Variants in FSTL5 observed in about 807,000 individuals in gnomAD.
The protein encoded by FSTL5 is follistatin like 5.
In FSTL5, 62 loss-of-function variants were observed where a neutral mutation model predicts 89.1. That is an observed-to-expected ratio of 0.70 (90% CI 0.57 to 0.86). The LOEUF (loss-of-function observed/expected upper bound fraction) is 0.86. Among genes scored for constraint, FSTL5 ranks in the 40% least tolerant of loss-of-function variants. The pLI is 0.00. For synonymous variants in FSTL5, 383 were observed against 346.2 expected, an observed-to-expected ratio of 1.11 and a Z score of -1.18; for missense variants, 1,057 against 1,001.6, an observed-to-expected ratio of 1.06 and a Z score of -0.75.
At chr4:161,586,987 C>A (rs1733637553) in intron 8 of FSTL5, among the ~76,000 whole-genome samples, 1 of 152,108 alleles carries the variant, frequency 6.6e-6, no homozygotes, top group Non-Finnish European at 1.5e-5. Context: ...TAAAGAAAAG[C>A]TCTGATTGTA....
intron 6 of FSTL5, among the ~76,000 whole-genome samples, chr4:161,678,017 G>T (rs1431481036): frequency 6.6e-6 from 1 of 151,542 alleles, no homozygotes. Context: ...CCCCTCAAAA[G>T]AAGACTGCAA....
At chr4:161,767,590 A>G (rs1023199200) in intron 5 of FSTL5, among the ~76,000 whole-genome samples, 1 of 152,172 alleles carries the variant, frequency 6.6e-6, no homozygotes, top group Non-Finnish European at 1.5e-5. Context: ...AAGGAATACA[A>G]AGATCTAGAT....
At chr4:161,791,891 G>T (rs1317872406) in intron 4 of FSTL5, among the ~76,000 whole-genome samples, 1 of 152,240 alleles carries the variant, frequency 6.6e-6, no homozygotes, top group Non-Finnish European at 1.5e-5. Context: ...GACATTTGCT[G>T]CAGTGGAGAA....
intron 5 of FSTL5, among the ~76,000 whole-genome samples, chr4:161,770,749 T>C (rs908217277): frequency 6.6e-6 from 1 of 151,888 alleles, no homozygotes; most frequent in South Asian, 2.1e-4. Flanking sequence ...TGTAATGTAA[T>C]ATTTATTAGC....
intron 6 of FSTL5, among the ~76,000 whole-genome samples, chr4:161,708,820 C>G (rs929139754): frequency 2.6e-5 from 4 of 152,016 alleles, no homozygotes; most frequent in Admixed American, 6.6e-5. Context: ...AGTTCTAGAT[C>G]TATGAAAATA....
intron 4 of FSTL5, among the ~76,000 whole-genome samples, chr4:161,851,942 CATTTA>C (rs1185961386): frequency 6.6e-6 from 1 of 151,638 alleles, no homozygotes; most frequent in Admixed American, 6.6e-5. Context: ...CATTTTATCA[CATTTA>C]ATTTAATTGC....
intron 6 of FSTL5, among the ~76,000 whole-genome samples, chr4:161,688,685 A>G (rs1737824585): frequency 6.6e-6 from 1 of 152,104 alleles, no homozygotes; most frequent in Admixed American, 6.5e-5. Flanking sequence ...TACATTTCCT[A>G]TTATAGTTAA....
intron 10 of FSTL5, among the ~76,000 whole-genome samples, chr4:161,519,058 G>A (rs187663307): frequency 9.2e-5 from 14 of 152,294 alleles, no homozygotes; most frequent in Admixed American, 7.8e-4. Context: ...CCAGAAATGT[G>A]TGATCCAAAA....
At chr4:161,755,388 AT>A (rs1167755035) in intron 6 of FSTL5, among the ~76,000 whole-genome samples, 2 of 151,864 alleles carry the variant, frequency 1.3e-5, no homozygotes, top group East Asian at 1.9e-4. Flanking sequence ...ATAATATGCT[AT>A]TTTTTTTACC....
rs149073410 is a variant in FSTL5 at position 162,145,518 on chromosome 4, C to T, written c.-17+18097G>A. On this transcript the variant is annotated intron_variant, in intron 1 of 15. Coordinates refer to ENST00000306100, the MANE Select transcript of FSTL5 (RefSeq NM_020116.5). ...TGAAGGTTGGCAAGGAAAAGTCTTT[C>T]CATGAAGTTATTAAAAACAAACTGA... Among the ~76,000 whole-genome samples, 492 of 152,152 alleles carry T rather than the reference C, an allele frequency of 3.2e-3. 2 individuals carry two copies. The highest frequency in any genetic ancestry group is 0.014 in the Middle Eastern group (4 of 294).
chr4:161,833,643 C>G (rs1443221941), intron 4 of FSTL5, among the ~76,000 whole-genome samples: 1 of 151,994 alleles, frequency 6.6e-6, no homozygotes, highest in Non-Finnish European at 1.5e-5. Context: ...TAATAGCCTT[C>G]TTTGTCTCTT....
At chr4:161,522,209 A>G (rs1731059862) in intron 10 of FSTL5, among the ~76,000 whole-genome samples, 1 of 152,168 alleles carries the variant, frequency 6.6e-6, no homozygotes, top group Admixed American at 6.5e-5. Flanking sequence ...ACAGAGAAAA[A>G]GAGAATGGGG....
At chr4:161,851,358 C>T (rs1731543654) in intron 4 of FSTL5, among the ~76,000 whole-genome samples, 1 of 152,014 alleles carries the variant, frequency 6.6e-6, no homozygotes, top group Non-Finnish European at 1.5e-5. Flanking sequence ...TATTATAGTG[C>T]CACTATTAGA....
intron 6 of FSTL5, among the ~76,000 whole-genome samples, chr4:161,670,992 A>G (rs1737083718): frequency 6.6e-6 from 1 of 152,214 alleles, no homozygotes; most frequent in Non-Finnish European, 1.5e-5. Context: ...CACAGGTCAA[A>G]AGCTTCACAA....
intron 6 of FSTL5, among the ~76,000 whole-genome samples, chr4:161,745,944 T>A (rs962614916): frequency 1.3e-5 from 2 of 152,140 alleles, no homozygotes; most frequent in Non-Finnish European, 2.9e-5. Context: ...TTAATCTAAG[T>A]TTTTCATCAG....
intron 2 of FSTL5, chr4:162,043,207 T>C (rs1441094219): frequency 1.3e-5 from 2 of 152,158 alleles, no homozygotes; most frequent in Non-Finnish European, 2.9e-5. Context: ...ACTACTAAGC[T>C]TTGACACGAA....
intron 1 of FSTL5, among the ~76,000 whole-genome samples, chr4:162,129,063 G>A (rs955274918): frequency 2.0e-5 from 3 of 151,836 alleles, no homozygotes; most frequent in Non-Finnish European, 4.4e-5. Context: ...CTCCCAAGTA[G>A]CTGGGATTAC....
intron 4 of FSTL5, among the ~76,000 whole-genome samples, chr4:161,828,064 C>T (rs183342924): frequency 1.4e-3 from 211 of 152,276 alleles, no homozygotes; most frequent in African/African-American, 4.9e-3. Context: ...GTAGCCCTCC[C>T]CAAGGACCTC....
intron 6 of FSTL5, among the ~76,000 whole-genome samples, chr4:161,714,649 A>T (rs1192891653): frequency 2.0e-5 from 3 of 152,120 alleles, no homozygotes; most frequent in South Asian, 2.1e-4. Flanking sequence ...TCCCAATGTC[A>T]CCTTTACATA....
Sources: allele counts gnomAD v4.1 joint callset (sites outside exome capture counted in the v4.1 genomes callset), GRCh38; gene constraint gnomAD v4.1.1; transcripts MANE v1.5; gene names NCBI Gene and HGNC (gene_info 2026-07-23, HGNC 2026-07-21).